The following PEX7 variants were observed in gnomAD, a reference collection of about 807,000 sequenced individuals.
PEX7 encodes peroxisomal biogenesis factor 7.
Under a neutral mutation model 47.5 loss-of-function variants are expected in PEX7, and 34 were observed. The ratio of observed to expected loss-of-function variants is 0.72; its 90% confidence interval spans 0.54 to 0.95. PEX7 has a LOEUF of 0.95. PEX7 is among the 40% of genes least tolerant of loss of function. PEX7 has a pLI of 0.00. For synonymous variants in PEX7, 141 were observed against 148.8 expected, an observed-to-expected ratio of 0.95 and a Z score of 0.38; for missense variants, 394 against 400.3, an observed-to-expected ratio of 0.98 and a Z score of 0.13.
rs1775967238 is a variant in PEX7, at chr6:136,913,573, C to T, written c.*47C>T. The T allele has an allele frequency of 1.7e-6, 2 of 1,157,644 alleles. No homozygotes were observed. Among genetic ancestry groups the T allele is most frequent in the Middle Eastern group, 1.9e-4 (1 of 5,218 alleles). 71.7% of individuals were successfully genotyped at this position (1,157,644 alleles called of 1,614,324 possible). A position where few individuals can be genotyped will look rare whatever the true frequency, so the allele number is the denominator to read the frequency against. On this transcript the variant is annotated 3_prime_UTR_variant, in exon 10 of 10. Transcript: ENST00000318471. ...ACAGAGGATGTTGGCTGAAGAACTG[C>T]CTAACAGCAAATAAATTAACTATGG...
At chr6:136,844,693 A>G (rs1774563041) in intron 3 of PEX7, among the ~76,000 whole-genome samples, 2 of 151,950 alleles carry the variant, frequency 1.3e-5, no homozygotes. Context: ...ACTCTACTGT[A>G]TGTTTCTCTA....
intron 3 of PEX7, among the ~76,000 whole-genome samples, chr6:136,841,876 G>C (rs2327764): frequency 3.3e-5 from 5 of 150,000 alleles, no homozygotes; most frequent in Non-Finnish European, 7.4e-5. Flanking sequence ...ATGAGCCACC[G>C]TGCCTGGTGT....
intron 3 of PEX7, among the ~76,000 whole-genome samples, chr6:136,840,268 G>A (rs1332367399): frequency 4.6e-5 from 7 of 152,106 alleles, no homozygotes; most frequent in East Asian, 3.8e-4. Context: ...TACCATTAGC[G>A]TCCCCTGCTT....
chr6:136,871,548 TTATTACTTTG>T (rs1649280475), intron 7 of PEX7, among the ~76,000 whole-genome samples: 2 of 152,184 alleles, frequency 1.3e-5, no homozygotes, highest in African/African-American at 4.8e-5. Flanking sequence ...TCATTTTTGT[TTATTACTTTG>T]TTTGCTTTTG....
chr6:136,838,607 G>T (rs1281789393), intron 3 of PEX7, among the ~76,000 whole-genome samples: 5 of 152,156 alleles, frequency 3.3e-5, no homozygotes, highest in Non-Finnish European at 5.9e-5. Flanking sequence ...AGTGTTAAAT[G>T]ATATTAAGTA....
chr6:136,877,552 A>G (rs1005205920), intron 8 of PEX7, among the ~76,000 whole-genome samples: 1 of 152,180 alleles, frequency 6.6e-6, no homozygotes, highest in Non-Finnish European at 1.5e-5. Flanking sequence ...TTTTTCCAAC[A>G]CCATTTATTA....
intron 8 of PEX7, among the ~76,000 whole-genome samples, chr6:136,880,822 A>T (rs1410998095): frequency 1.3e-5 from 2 of 152,250 alleles, no homozygotes; most frequent in Non-Finnish European, 2.9e-5. Context: ...GATGTATTTC[A>T]TGCCTTAACT....
At chr6:136,846,345 T>A (rs568829145) in intron 5 of PEX7, among the ~76,000 whole-genome samples, 164 bp downstream of exon 5, 62 of 152,312 alleles carry the variant, frequency 4.1e-4, no homozygotes, top group African/African-American at 1.3e-3. Context: ...TTTATTTTTT[T>A]ATTTTTATTA....
intron 5 of PEX7, among the ~76,000 whole-genome samples, chr6:136,853,739 A>G (rs1361644762): frequency 6.6e-6 from 1 of 152,156 alleles, no homozygotes. Context: ...GAGGTGAAAG[A>G]TTATGTAATT....
chr6:136,832,285 C>T (rs1391998743), intron 3 of PEX7, among the ~76,000 whole-genome samples: 1 of 152,264 alleles, frequency 6.6e-6, no homozygotes, highest in East Asian at 1.9e-4. Context: ...CTCCTTTTAG[C>T]CATGGCTGGA....
intron 3 of PEX7, among the ~76,000 whole-genome samples, chr6:136,834,423 C>A (rs1223097582): frequency 6.6e-6 from 1 of 152,162 alleles, no homozygotes; most frequent in Non-Finnish European, 1.5e-5. Flanking sequence ...CTCCATGTTG[C>A]CCAGGCTGGT....
intron 6 of PEX7, among the ~76,000 whole-genome samples, chr6:136,868,910 TG>T (rs1407974402): frequency 6.6e-6 from 1 of 152,154 alleles, no homozygotes; most frequent in African/African-American, 2.4e-5. Context: ...ATTACATTCT[TG>T]GATATGATTA....
intron 9 of PEX7, among the ~76,000 whole-genome samples, chr6:136,904,464 C>T (rs1162009420): frequency 6.6e-6 from 1 of 152,092 alleles, no homozygotes; most frequent in African/African-American, 2.4e-5. Flanking sequence ...GTGTCCCCGC[C>T]CAAATCTCAC....
At chr6:136,882,420 T>C in intron 8 of PEX7, among the ~76,000 whole-genome samples, 1 of 151,962 alleles carries the variant, frequency 6.6e-6, no homozygotes, top group East Asian at 1.9e-4. Context: ...TCAAGTGATC[T>C]GCCCACCACA....
intron 6 of PEX7, among the ~76,000 whole-genome samples, chr6:136,867,997 G>C (rs964271128): frequency 8.5e-5 from 13 of 152,070 alleles, no homozygotes; most frequent in African/African-American, 2.2e-4. Context: ...TTCATGGTAA[G>C]GACCCTACTA....
At chr6:136,892,642 T>C (rs1038548371) in intron 8 of PEX7, among the ~76,000 whole-genome samples, 13 of 152,336 alleles carry the variant, frequency 8.5e-5, no homozygotes, top group African/African-American at 3.1e-4. Flanking sequence ...GCAGACACTT[T>C]TATACATGCA....
chr6:136,886,344 G>A (rs1024775170), intron 8 of PEX7, among the ~76,000 whole-genome samples: 1 of 152,158 alleles, frequency 6.6e-6, no homozygotes, highest in African/African-American at 2.4e-5. Flanking sequence ...TACTTGAAGT[G>A]AAAAGCTGAC....
intron 7 of PEX7, chr6:136,870,803 TCTC>T (rs1467804922): frequency 5.1e-6 from 2 of 388,944 alleles, no homozygotes; most frequent in Non-Finnish European, 1.0e-5. Context: ...TTCAAGCTGT[TCTC>T]CTGCCTCAGC....
At position 136,870,709 on chromosome 6, in the gene PEX7, AT is replaced by A. The variant is rs531580099; in HGVS notation, c.747+715del. 898 of 386,830 alleles carry A rather than the reference AT, an allele frequency of 2.3e-3. 7 individuals are homozygous for A. The highest frequency in any genetic ancestry group is 0.016 in the African/African-American group (730 of 45,748). The allele number at this position is 386,830 out of a possible 1,614,324, so 24.0% of individuals were successfully genotyped here. ...ATTCCTACTATTTAAAAAATTCTAA[AT>A]TTTTTTTTCTTTTTTTTTGAGATGG... On this transcript the variant is annotated intron_variant, in intron 7 of 9. Transcript: ENST00000318471.
Sources: allele counts gnomAD v4.1 joint callset (sites outside exome capture counted in the v4.1 genomes callset), GRCh38; gene constraint gnomAD v4.1.1; transcripts MANE v1.5; gene names NCBI Gene and HGNC (gene_info 2026-07-23, HGNC 2026-07-21).